Variants in PCDHGC3 observed in about 807,000 individuals in gnomAD.
PCDHGC3 encodes the protein protocadherin gamma subfamily C, 3.
A neutral mutation model predicts 59.2 loss-of-function variants in PCDHGC3; 26 were observed. The ratio of observed to expected loss-of-function variants is 0.44; its 90% CI spans 0.32 to 0.61. PCDHGC3 has a LOEUF of 0.61. PCDHGC3 is among the 20% of genes least tolerant of loss of function. PCDHGC3 has a pLI of 0.05. For synonymous variants in PCDHGC3, 487 were observed against 519.7 expected (o/e 0.94, Z 0.86); for missense variants, 1,080 against 1,221.8 (o/e 0.88, Z 1.73).
intron 2 of PCDHGC3, among the ~76,000 whole-genome samples, chr5:141,502,654 C>T (rs1424933188): frequency 6.6e-6 from 1 of 152,230 alleles, no homozygotes; most frequent in South Asian, 2.1e-4. Context: ...TAGGCAGCAA[C>T]CCTTCATGCA....
In PCDHGC3 at chr5:141,511,116, G is replaced by A. The variant is rs2099883616; in HGVS notation, c.2748G>A (p.Lys916=). Residue 916 remains lysine, a synonymous_variant, in exon 4 of 4, where the codon AAG becomes AAA. Transcript: ENST00000308177. The stretch of plus-strand genomic sequence containing the variant: ...ACGCAGCTGGCAAGCGGGATGGCAA[G>A]GCCCCAGCAGGTGGCAATGGCAACA... ...LTNAAGKRDG[K]APAGGNGNKK... The A allele has an allele frequency of 1.9e-6, 3 of 1,614,234 alleles. No individual in the cohort carries two copies. The highest frequency in any genetic ancestry group is 2.5e-6 in the Non-Finnish European group (3 of 1,180,026).
At chr5:141,483,076 C>A (rs964178941) in intron 1 of PCDHGC3, among the ~76,000 whole-genome samples, 8 of 152,044 alleles carry the variant, frequency 5.3e-5, no homozygotes, top group Non-Finnish European at 8.8e-5. Context: ...CAGAGAGAGA[C>A]TCCATCTCAA....
intron 2 of PCDHGC3, among the ~76,000 whole-genome samples, chr5:141,500,254 G>A (rs1260325865): frequency 1.3e-5 from 2 of 150,426 alleles, no homozygotes; most frequent in Non-Finnish European, 3.0e-5. Context: ...TGTCACCCAG[G>A]CTGGACTGCA....
chr5:141,489,707 G>A lies in PCDHGC3; in HGVS notation c.2431-5100G>A. 6.2e-7 allele frequency: 1 copy of A among 1,614,194 alleles called. No individual in the cohort carries two copies. Among genetic ancestry groups the A allele is most frequent in the Non-Finnish European group, 8.5e-7 (1 of 1,180,022 alleles). The stretch of plus-strand genomic sequence containing the variant: ...TCTGGGGCACGATTCCCACTGGACA[G>A]TGCCCAGGATCCGGATGTGGGCACC... On this transcript the variant is annotated intron_variant, in intron 1 of 3. Transcript: ENST00000308177. The surrounding 1 kb of genome is among the most constrained non-coding windows in gnomAD (Gnocchi z 4.5).
intron 2 of PCDHGC3, among the ~76,000 whole-genome samples, chr5:141,503,202 C>G (rs1562210201): frequency 6.6e-6 from 1 of 152,090 alleles, no homozygotes; most frequent in East Asian, 1.9e-4. Context: ...ATCAGCCTCT[C>G]AGTGCCCACC....
In PCDHGC3 at chr5:141,486,661, G is replaced by T. The variant is rs373446844; in HGVS notation, c.2430+8115G>T. ...CGCTTATCTCCTACTCACTCCTGGA[G>T]CCCAGGAATCGAGATGTATCAGCTT... is the stretch of plus-strand genomic sequence containing the variant. On this transcript the variant is annotated intron_variant, in intron 1 of 3. Transcript: ENST00000308177. The surrounding 1 kb of genome is among the most constrained non-coding windows in gnomAD (Gnocchi z 5.0). 6.2e-6 allele frequency: 10 copies of T among 1,613,836 alleles called. No individual in the cohort carries two copies. Among genetic ancestry groups the T allele is most frequent in the African/African-American group, 4.0e-5 (3 of 74,918 alleles).
chr5:141,476,180 C>T lies in PCDHGC3; in HGVS notation c.64C>T (p.Leu22=). The T allele has an allele frequency of 1.2e-6, 2 of 1,613,664 alleles. No individual in the cohort carries two copies. Among genetic ancestry groups the T allele is most frequent in the East Asian group, 4.5e-5 (2 of 44,838 alleles). Residue 22 remains leucine (L), a synonymous_variant, in exon 1 of 4, where the codon CTG becomes TTG. Transcript: ENST00000308177. The surrounding 1 kb of genome is among the most constrained non-coding windows in gnomAD (Gnocchi z 7.6). ...STGRVVGVLL[L]LGALNKASTV... ...CGGGAGGGTAGTGGGAGTTTTGCTT[C>T]TGCTTGGTGCCTTGAACAAGGCTTC...
chr5:141,488,292 G>A (rs961688781), intron 1 of PCDHGC3, among the ~76,000 whole-genome samples: 1 of 152,216 alleles, frequency 6.6e-6, no homozygotes, highest in African/African-American at 2.4e-5. Flanking sequence ...AAAACAGTAA[G>A]TGAAATCACT....
chr5:141,476,309 A>G lies in PCDHGC3; in HGVS notation c.193A>G (p.Arg65Gly). ...GGATCTCGGTAGCCTCTCAGCCCGC[A>G]GGTTCCGGGTGGTGTCTGGAGCTAG... The part of the protein sequence containing the change: ...GLDLGSLSAR[R>G]FRVVSGASRR... The change falls in exon 1 of 4, where the codon AGG (arginine) becomes GGG (glycine). Residue 65 changes from arginine to glycine, a missense_variant. Transcript: ENST00000308177. The surrounding 1 kb of genome is among the most constrained non-coding windows in gnomAD (Gnocchi z 7.6). The G allele has an allele frequency of 6.2e-7, 1 of 1,613,966 alleles. No homozygotes were observed. Among genetic ancestry groups the G allele is most frequent in the Non-Finnish European group, 8.5e-7 (1 of 1,179,988 alleles).
At chr5:141,506,076 T>C (rs2154593839) in intron 3 of PCDHGC3, among the ~76,000 whole-genome samples, 1 of 152,244 alleles carries the variant, frequency 6.6e-6, no homozygotes, top group South Asian at 2.1e-4. Flanking sequence ...TCCTTTGTAA[T>C]AGAGATTCGG....
At position 141,494,872 on chromosome 5, in the gene PCDHGC3, G is replaced by T. The variant is rs917132299; in HGVS notation, c.2489+7G>T. On this transcript the variant is annotated splice_region_variant and intron_variant, in intron 2 of 3. Transcript: ENST00000308177. The stretch of plus-strand genomic sequence containing the variant: ...AGAGACCCGGCACCAGCGGGTAGGT[G>T]ACTGATTCTCCAGCCCACCCTCTTC... 7 of 1,614,010 alleles carry T rather than the reference G, an allele frequency of 4.3e-6. No homozygotes were observed. The highest frequency in any genetic ancestry group is 1.3e-5 in the African/African-American group (1 of 74,910).
At position 141,477,107 on chromosome 5, in the gene PCDHGC3, C is replaced by A. The variant is rs1431445150; in HGVS notation, c.991C>A (p.Pro331Thr). ...YIQAKDKGAN[P>T]EGAHCKVLVE... is the part of the protein sequence containing the mutation. ...CCAGGCCAAAGACAAGGGCGCCAAT[C>A]CCGAAGGAGCACATTGCAAAGTGTT... The change falls in exon 1 of 4, where the codon CCC (proline) becomes ACC (threonine). Residue 331 changes from proline to threonine, a missense_variant. Coordinates refer to ENST00000308177, the MANE Select transcript of PCDHGC3 (RefSeq NM_002588.4). This position sits in a 1 kb window ranked among gnomAD's most constrained non-coding sequence, Gnocchi z 4.9. 1 of 1,614,252 alleles carries A rather than the reference C, an allele frequency of 6.2e-7. No homozygotes were observed. The highest frequency in any genetic ancestry group is 8.5e-7 in the Non-Finnish European group (1 of 1,180,048).
In PCDHGC3 at chr5:141,485,944, G is replaced by A; in HGVS notation, c.2430+7398G>A. 1.2e-6 allele frequency: 2 copies of A among 1,614,116 alleles called. No homozygotes were observed. The highest frequency in any genetic ancestry group is 1.7e-6 in the Non-Finnish European group (2 of 1,180,020). ...TTAGTGTGTTGGAGAGCGCACCAGC[G>A]GGCATGGTGCTCATCCAGCTCAATG... On this transcript the variant is annotated intron_variant, in intron 1 of 3. Coordinates refer to ENST00000308177, the MANE Select transcript of PCDHGC3 (RefSeq NM_002588.4). This position sits in a 1 kb window ranked among gnomAD's most constrained non-coding sequence, Gnocchi z 5.7.
At chr5:141,496,782 C>T (rs552953558) in intron 2 of PCDHGC3, among the ~76,000 whole-genome samples, 16 of 152,136 alleles carry the variant, frequency 1.1e-4, no homozygotes, top group South Asian at 2.1e-4. Context: ...TGAGCAGGGC[C>T]CTGTGCTAAA....
chr5:141,489,913 A>G lies in PCDHGC3; in HGVS notation c.2431-4894A>G. 1 of 1,614,208 alleles carries G rather than the reference A, an allele frequency of 6.2e-7. No homozygotes were observed. Among genetic ancestry groups the G allele is most frequent in the Non-Finnish European group, 8.5e-7 (1 of 1,180,044 alleles). Reference sequence around the variant, plus strand: ...TGGGGGGACCCCAGCCCGCTCAGGGACCACCCTTATCTCTGTCATCGTGCT... The same window carrying G: ...TGGGGGGACCCCAGCCCGCTCAGGGGCCACCCTTATCTCTGTCATCGTGCT... On this transcript the variant is annotated intron_variant, in intron 1 of 3. Transcript: ENST00000308177. The surrounding 1 kb of genome is among the most constrained non-coding windows in gnomAD (Gnocchi z 4.5).
rs202162316 is a variant in PCDHGC3, at chr5:141,490,194, T to C, written c.2431-4613T>C. ...TTGAGGAGTCACGTTTCTATGAAAT[T>C]CATGCAAGAGCCCGTGACCAGGGAC... is the stretch of plus-strand genomic sequence containing the variant. On this transcript the variant is annotated intron_variant, in intron 1 of 3. Transcript: ENST00000308177. The surrounding 1 kb of genome is among the most constrained non-coding windows in gnomAD (Gnocchi z 5.4). The C allele has an allele frequency of 8.1e-6, 13 of 1,614,186 alleles. No individual in the cohort carries two copies. The highest frequency in any genetic ancestry group is 1.1e-5 in the Non-Finnish European group (13 of 1,180,030).
rs1347978078 is a variant in PCDHGC3, at chr5:141,486,800, C to G, written c.2431-8007C>G. ...GGTGCAGGCCCGGGATCGGGGCAAC[C>G]CACCCCTTAGCAGCACTGTAACAGT... On this transcript the variant is annotated intron_variant, in intron 1 of 3. Coordinates refer to ENST00000308177, the MANE Select transcript of PCDHGC3 (RefSeq NM_002588.4). The surrounding 1 kb of genome is among the most constrained non-coding windows in gnomAD (Gnocchi z 5.0). 1.9e-6 allele frequency: 3 copies of G among 1,614,104 alleles called. No individual in the cohort carries two copies. In the Admixed American group the frequency reaches 5.0e-5, roughly 27 times the overall value.
chr5:141,492,829 C>T (rs2099744241), intron 1 of PCDHGC3, among the ~76,000 whole-genome samples: 1 of 152,232 alleles, frequency 6.6e-6, no homozygotes, highest in Non-Finnish European at 1.5e-5. Context: ...CGGCCCCTTC[C>T]TCCCGCAGGA....
chr5:141,498,814 T>G (rs2099785952), intron 2 of PCDHGC3, among the ~76,000 whole-genome samples: 1 of 151,956 alleles, frequency 6.6e-6, no homozygotes. Flanking sequence ...ACACCTGTAG[T>G]CCCAGCTACT....
Sources: allele counts gnomAD v4.1 joint callset (sites outside exome capture counted in the v4.1 genomes callset), GRCh38; gene constraint gnomAD v4.1.1; non-coding constraint Gnocchi (gnomAD v3.1); transcripts MANE v1.5; gene names NCBI Gene and HGNC (gene_info 2026-07-23, HGNC 2026-07-21).